EPPK1: variants seen among roughly 807,000 people sequenced by gnomAD.
EPPK1 encodes the protein epiplakin.
For synonymous variants in EPPK1, 1,862 were observed against 1,721.2 expected, an observed-to-expected ratio of 1.08 and a Z score of -2.03; for missense variants, 3,823 against 3,673.3, an observed-to-expected ratio of 1.04 and a Z score of -1.05.
At position 143,867,279 on chromosome 8, in the gene EPPK1, G is replaced by T. The variant is rs782149613; in HGVS notation, c.5975C>A (p.Ala1992Asp). Residue 1992 changes from alanine (A) to aspartate (D), a missense_variant, in exon 2 of 2, where the codon GCC becomes GAC. By Grantham distance (126) the Ala-to-Asp change is moderately radical. Transcript: ENST00000615648. ...CTTCTCGATGAGCTGCTTCTGCATG[G>T]CCTGGAACAGCGGGATCGTGTCTCC... ...ATGDTIPLFQ[A>D]MQKQLIEKAE... 9 of 1,612,422 alleles carry T rather than the reference G, an allele frequency of 5.6e-6. No individual in the cohort carries two copies. The East Asian group carries it at 2.0e-4, about 36-fold the overall frequency.
Position 143,868,067 on chromosome 8 carries a change from G to A in EPPK1, c.5187C>T (p.Phe1729=), listed in dbSNP as rs781920013. 8.4e-5 allele frequency: 136 copies of A among 1,613,504 alleles called. No individual in the cohort carries two copies. The Admixed American group carries it at 1.5e-3, about 18-fold the overall frequency. Residue 1729 remains phenylalanine, a synonymous_variant, in exon 2 of 2, where the codon TTC becomes TTT. Coordinates refer to ENST00000615648, the MANE Select transcript of EPPK1 (RefSeq NM_031308.4). The part of the protein sequence containing the change: ...ADPSDDTKGF[F]DPNTHENLTY... ...TGAGGTTCTCGTGCGTGTTGGGGTC[G>A]AAGAAGCCCTTGGTGTCGTCGCTGG...
chr8:143,859,630 C>A lies in EPPK1; in HGVS notation c.13624G>T (p.Asp4542Tyr). 4 of 507,248 alleles carry A rather than the reference C, an allele frequency of 7.9e-6. 1 individual carries two copies. In the East Asian group the frequency reaches 8.6e-5, roughly 11 times the overall value. 31.4% of individuals were successfully genotyped at this position (507,248 alleles called of 1,614,324 possible). ...YVQLLRRCVP[D>Y]PDTGLYMLQL... ...AGCATGTAGAGCCCGGTGTCCGGGT[C>A]GGGCACGCAGCGGCGCAGCAGCTGC... Residue 4542 changes from aspartate (D) to tyrosine (Y), a missense_variant, in exon 2 of 2, where the codon GAC becomes TAC. Coordinates refer to ENST00000615648, the MANE Select transcript of EPPK1 (RefSeq NM_031308.4).
chr8:143,870,160 G>A lies in EPPK1; in HGVS notation c.3094C>T (p.Pro1032Ser), dbSNP rs1554660647. The change falls in exon 2 of 2, where the codon CCT (proline) becomes TCT (serine). Residue 1032 changes from proline to serine, a missense_variant. Coordinates refer to ENST00000615648, the MANE Select transcript of EPPK1 (RefSeq NM_031308.4). This position sits in a 1 kb window ranked among gnomAD's most constrained non-coding sequence, Gnocchi z 5.2. ...AGGAGGCGGGCAGCTTGCTCCCAAG[G>A]GATGAGACCTTTCTTCATGGCCTGG... ...VFQAMKKGLI[P>S]WEQAARLLEA... 12 of 1,611,752 alleles carry A rather than the reference G, an allele frequency of 7.4e-6. No homozygotes were observed. The highest frequency in any genetic ancestry group is 1.0e-5 in the Non-Finnish European group (12 of 1,179,476).
chr8:143,878,404 G>GCACCTGC (rs1554662616), intron 1 of EPPK1, 34 bp downstream of exon 1: 1 of 67,424 alleles, frequency 1.5e-5, no homozygotes, highest in South Asian at 3.8e-4. Context: ...GCCCGCACCC[G>GCACCTGC]CCGCACCCGC....
At position 143,870,305 on chromosome 8, in the gene EPPK1, C is replaced by A. The variant is rs782530358; in HGVS notation, c.2949G>T (p.Ser983=). The A allele has an allele frequency of 6.3e-6, 10 of 1,578,100 alleles. No homozygotes were observed. Among genetic ancestry groups the A allele is most frequent in the South Asian group, 1.1e-5 (1 of 87,730 alleles). ...CACCCCTGCGCACGGCCTCATCCAC[C>A]GAGAGGCTCTCTGGGCTGTGAGGGT... ...IMDPHSPESL[S]VDEAVRRGVV... is the part of the protein sequence containing the mutation. Residue 983 remains serine (S), a synonymous_variant, in exon 2 of 2, where the codon TCG becomes TCT. Transcript: ENST00000615648. This position sits in a 1 kb window ranked among gnomAD's most constrained non-coding sequence, Gnocchi z 5.2.
In EPPK1 at chr8:143,868,681, G is replaced by A. The variant is rs373861393; in HGVS notation, c.4573C>T (p.Arg1525Trp). ...AGGTCCCTGGCTGACACCTGCTTCC[G>A]GAGCCCTCTGAAGGTGGCCTGCAGG... ...QPLQATFRGL[R>W]KQVSARDLFR... is the part of the protein sequence containing the mutation. Residue 1525 changes from arginine (R) to tryptophan (W), a missense_variant, in exon 2 of 2, where the codon CGG becomes TGG. Physicochemically the swap from Arg to Trp is moderately radical, Grantham distance 101. Transcript: ENST00000615648. 3.0e-5 allele frequency: 48 copies of A among 1,581,028 alleles called. No individual in the cohort carries two copies. The highest frequency in any genetic ancestry group is 1.8e-4 in the Admixed American group (10 of 55,180).
Position 143,872,583 on chromosome 8 carries a change from G to A in EPPK1, c.671C>T (p.Ser224Leu), listed in dbSNP as rs374953787. The part of the protein sequence containing the change: ...LLERCVRAPG[S>L]GLALLPLKIT... ...CTTGAGGGGCAGCAAGGCTAGCCCC[G>A]AGCCGGGGGCACGCACACACCTTTC... Residue 224 changes from serine (S) to leucine (L), a missense_variant, in exon 2 of 2, where the codon TCG becomes TTG. Coordinates refer to ENST00000615648, the MANE Select transcript of EPPK1 (RefSeq NM_031308.4). 1.6e-5 allele frequency: 26 copies of A among 1,609,244 alleles called. No homozygotes were observed. Among genetic ancestry groups the A allele is most frequent in the East Asian group, 6.7e-5 (3 of 44,836 alleles).
chr8:143,878,409 A>ACCTGCCCGCC (rs1819529310), intron 1 of EPPK1, 29 bp downstream of exon 1: 2 of 91,592 alleles, frequency 2.2e-5, no homozygotes, highest in African/African-American at 4.8e-5. Flanking sequence ...CACCCGCCGC[A>ACCTGCCCGCC]CCCGCCGCAC....
At position 143,871,753 on chromosome 8, in the gene EPPK1, C is replaced by T. The variant is rs1819358453; in HGVS notation, c.1501G>A (p.Gly501Arg). ...LSTATATVSVGKFRGRPVSLW... is the reference protein window; with the variant it reads ...LSTATATVSVRKFRGRPVSLW... ...GACACGGGCCGGCCCCGGAACTTCCCCACAGAGACGGTGGCTGTGGCCGTG... is the reference window on the plus strand; with the variant it reads ...GACACGGGCCGGCCCCGGAACTTCCTCACAGAGACGGTGGCTGTGGCCGTG... The change falls in exon 2 of 2, where the codon GGG becomes AGG. Residue 501 changes from glycine (G) to arginine (R), a missense_variant. Coordinates refer to ENST00000615648, the MANE Select transcript of EPPK1 (RefSeq NM_031308.4). 6.2e-7 allele frequency: 1 copy of T among 1,610,782 alleles called. No homozygotes were observed. The highest frequency in any genetic ancestry group is 1.1e-5 in the South Asian group (1 of 90,958).
At position 143,871,836 on chromosome 8, in the gene EPPK1, CG is replaced by C. The variant is rs782374585; in HGVS notation, c.1417del (p.Arg473GlyfsTer19). ...TGGGGGTCCCTGGGGCTCCCCTCCCCGGGGTCCCCCTGAGAGTGGCAGGAAG... is the reference window on the plus strand; with the variant it reads ...TGGGGGTCCCTGGGGCTCCCCTCCCCGGGTCCCCCTGAGAGTGGCAGGAAG... The part of the protein sequence containing the change: ...LAFLPLSGGP[R>X]GGEPQGPPFI... On this transcript the variant is annotated frameshift_variant, in exon 2 of 2. Transcript: ENST00000615648. LOFTEE classifies it low-confidence loss of function (END_TRUNC). 6.2e-7 allele frequency: 1 copy of C among 1,612,368 alleles called. No homozygotes were observed. The highest frequency in any genetic ancestry group is 1.1e-5 in the South Asian group (1 of 91,066).
Position 143,869,239 on chromosome 8 carries a change from A to T in EPPK1, c.4015T>A (p.Trp1339Arg). Residue 1339 changes from tryptophan to arginine, a missense_variant, in exon 2 of 2, where the codon TGG (tryptophan) becomes AGG (arginine). Trp to Arg is a moderately radical substitution (Grantham distance 101). Transcript: ENST00000615648. ...DPYSRASLSL[W>R]QAMEKGLVPQ... ...ACGAGCCCCTTCTCCATGGCCTGCC[A>T]CAGAGAGAGGGAGGCCCTAGAGTAG... is the stretch of plus-strand genomic sequence containing the variant. 1 of 1,610,806 alleles carries T rather than the reference A, an allele frequency of 6.2e-7. No homozygotes were observed. Among genetic ancestry groups the T allele is most frequent in the South Asian group, 1.1e-5 (1 of 90,992 alleles).
At position 143,858,040 on chromosome 8, in the gene EPPK1, C is replaced by A. The variant is rs782507393; in HGVS notation, c.15214G>T (p.Ala5072Ser). The change falls in exon 2 of 2, where the codon GCC becomes TCC. Residue 5072 changes from alanine (A) to serine (S), a missense_variant. By Grantham distance (99) the Ala-to-Ser change is moderately conservative (BLOSUM62 1). Coordinates refer to ENST00000615648, the MANE Select transcript of EPPK1 (RefSeq NM_031308.4). ...AGCCCCGTCTCAGGGTCCAGGGTGG[C>A]CCTCTGCAGAAGCTGCAGGTACGTG... ...NLTYLQLLQRATLDPETGLLF... is the reference protein window; with the variant it reads ...NLTYLQLLQRSTLDPETGLLF... 1 of 1,613,154 alleles carries A rather than the reference C, an allele frequency of 6.2e-7. No homozygotes were observed. The highest frequency in any genetic ancestry group is 8.5e-7 in the Non-Finnish European group (1 of 1,179,892).
chr8:143,873,191 A>G lies in EPPK1; in HGVS notation c.63T>C (p.Ser21=). ...VPGTNSTEQA[S]VPRAMAATLG... ...GCGTGGCTGCCATGGCTCTGGGTAC[A>G]CTGGCCTGCTCTGTGCTGTTGGTGC... Residue 21 remains serine, a synonymous_variant, in exon 2 of 2, where the codon AGT becomes AGC. Coordinates refer to ENST00000615648, the MANE Select transcript of EPPK1 (RefSeq NM_031308.4). 6.3e-7 allele frequency: 1 copy of G among 1,596,650 alleles called. No homozygotes were observed. The highest frequency in any genetic ancestry group is 1.3e-5 in the African/African-American group (1 of 74,446).
Position 143,866,085 on chromosome 8 carries a change from T to C in EPPK1, c.7169A>G (p.Asn2390Ser). 1.2e-5 allele frequency: 3 copies of C among 256,680 alleles called. No homozygotes were observed. The highest frequency in any genetic ancestry group is 2.0e-5 in the Non-Finnish European group (3 of 151,226). The allele number at this position is 256,680 out of a possible 1,614,324, so 15.9% of individuals were successfully genotyped here. ...CACGTACGTGAGGTTCTCGTGCGTG[T>C]TGGGGTCGAAGAAGCCCTTGGTGTC... ...SDDTKGFFDP[N>S]THENLTYVQL... The change falls in exon 2 of 2, where the codon AAC becomes AGC. Residue 2390 changes from asparagine (N) to serine (S), a missense_variant. By Grantham distance (46) the Asn-to-Ser change is conservative. Coordinates refer to ENST00000615648, the MANE Select transcript of EPPK1 (RefSeq NM_031308.4).
chr8:143,868,635 C>T lies in EPPK1; in HGVS notation c.4619G>A (p.Ser1540Asn), dbSNP rs782458222. ...ARDLFRAQLI[S>N]RKTLDELSQG... The stretch of plus-strand genomic sequence containing the variant: ...GCTCAGCTCGTCCAGCGTCTTCCTG[C>T]TGATCAGCTGCGCCCTGAACAGGTC... Residue 1540 changes from serine to asparagine, a missense_variant, in exon 2 of 2, where the codon AGC becomes AAC. Coordinates refer to ENST00000615648, the MANE Select transcript of EPPK1 (RefSeq NM_031308.4). The T allele has an allele frequency of 6.3e-7, 1 of 1,593,568 alleles. No individual in the cohort carries two copies. The highest frequency in any genetic ancestry group is 8.5e-7 in the Non-Finnish European group (1 of 1,170,972).
rs1301183048 is a variant in EPPK1 at position 143,866,944 on chromosome 8, C to T, written c.6310G>A (p.Glu2104Lys). ...HIDDETRRAL[E>K]AEQVEITVGR... ...ACTGTGATTTCCACTTGCTCTGCCT[C>T]CAGGGCCCTTCTCGTCTCGTCATCG... is the stretch of plus-strand genomic sequence containing the variant. Residue 2104 changes from glutamate to lysine, a missense_variant, in exon 2 of 2, where the codon GAG (glutamate) becomes AAG (lysine). By Grantham distance (56) the Glu-to-Lys change is moderately conservative. Coordinates refer to ENST00000615648, the MANE Select transcript of EPPK1 (RefSeq NM_031308.4). The T allele has an allele frequency of 6.2e-7, 1 of 1,612,844 alleles. No individual in the cohort carries two copies. Among genetic ancestry groups the T allele is most frequent in the Non-Finnish European group, 8.5e-7 (1 of 1,179,886 alleles).
chr8:143,875,223 T>C (rs1409415626), intron 1 of EPPK1, among the ~76,000 whole-genome samples: 1 of 152,114 alleles, frequency 6.6e-6, no homozygotes, highest in Non-Finnish European at 1.5e-5. Flanking sequence ...CCTCTCCCCA[T>C]GTCTGGTCTC....
In EPPK1 at chr8:143,868,814, A is replaced by C. The variant is rs782557877; in HGVS notation, c.4440T>G (p.Ala1480=). 31 of 1,604,874 alleles carry C rather than the reference A, an allele frequency of 1.9e-5. 1 individual carries two copies. In the South Asian group the frequency reaches 3.2e-4, roughly 17 times the overall value. The change falls in exon 2 of 2, where the codon GCT becomes GCG. Residue 1480 remains alanine (A), a synonymous_variant. Coordinates refer to ENST00000615648, the MANE Select transcript of EPPK1 (RefSeq NM_031308.4). ...WDLLLSEYVG[A]DKRRELVALC... ...GTGCCACCAGCTCCCGCCGCTTGTC[A>C]GCGCCAACGTATTCGGAGAGCAGCA...
Position 143,867,547 on chromosome 8 carries a change from T to G in EPPK1, c.5707A>C (p.Thr1903Pro), listed in dbSNP as rs532408718. 6.2e-7 allele frequency: 1 copy of G among 1,612,734 alleles called. No individual in the cohort carries two copies. Among genetic ancestry groups the G allele is most frequent in the Admixed American group, 1.7e-5 (1 of 60,014 alleles). Residue 1903 changes from threonine to proline, a missense_variant, in exon 2 of 2, where the codon ACG becomes CCG. By Grantham distance (38) the Thr-to-Pro change is conservative (BLOSUM62 -1). Transcript: ENST00000615648. ...LEGSGCIAGVTVPSTREVMSL... is the reference protein window; with the variant it reads ...LEGSGCIAGVPVPSTREVMSL... The stretch of plus-strand genomic sequence containing the variant: ...ATGACCTCCCTGGTGGAGGGCACCG[T>G]GACCCCCGCAATGCAGCCGCTGCCT...
Sources: allele counts gnomAD v4.1 joint callset (sites outside exome capture counted in the v4.1 genomes callset), GRCh38; gene constraint gnomAD v4.1.1; non-coding constraint Gnocchi (gnomAD v3.1); transcripts MANE v1.5; gene names NCBI Gene and HGNC (gene_info 2026-07-23, HGNC 2026-07-21).